The following CEP95 variants were observed in gnomAD, a reference collection of about 807,000 sequenced individuals.
The protein encoded by CEP95 is centrosomal protein of 95 kDa.
In CEP95, 98 loss-of-function variants were observed where a neutral mutation model predicts 111.2. The ratio of observed to expected loss-of-function variants is 0.88; its 90% confidence interval spans 0.75 to 1.04. The LOEUF (loss-of-function observed/expected upper bound fraction) is 1.04, where lower values mean the gene tolerates loss of function less well. Among genes scored for constraint, CEP95 ranks in the 50% least tolerant of loss-of-function variants. The pLI, the probability that CEP95 is intolerant of heterozygous loss-of-function variation, is 0.00. For missense variants in CEP95, 1,027 were observed against 977.2 expected (o/e 1.05, Z -0.68); for synonymous variants, 323 against 327.1 (o/e 0.99, Z 0.14).
rs1344363289 is a variant in CEP95, at chr17:64,525,452, C to T, written c.910-318C>T. ...GATACAAAAGATAGCCACTTGAATA[C>T]TTTGTACTAGTGATAATTTTTTTGT... On this transcript the variant is annotated intron_variant, in intron 8 of 19. Transcript: ENST00000556440. Among the ~76,000 whole-genome samples the T allele has an allele frequency of 2.6e-5, 4 of 152,182 alleles. No individual in the cohort carries two copies. The East Asian group carries it at 7.7e-4, about 29-fold the overall frequency.
At chr17:64,523,280 ATATT>A (rs1290837849) in intron 8 of CEP95, among the ~76,000 whole-genome samples, 3 of 152,146 alleles carry the variant, frequency 2.0e-5, no homozygotes, top group Non-Finnish European at 4.4e-5. Flanking sequence ...AGTAGCTACT[ATATT>A]TATTTATTGT....
rs1598243057 is a variant in CEP95, at chr17:64,531,874, T to C, written c.1540-16T>C. 1 of 1,525,442 alleles carries C rather than the reference T, an allele frequency of 6.6e-7. No individual in the cohort carries two copies. Among genetic ancestry groups the C allele is most frequent in the East Asian group, 2.4e-5 (1 of 42,136 alleles). 94.5% of individuals were successfully genotyped at this position (1,525,442 alleles called of 1,614,324 possible). On this transcript the variant is annotated splice_polypyrimidine_tract_variant and intron_variant, in intron 13 of 19. Coordinates refer to ENST00000556440, the MANE Select transcript of CEP95 (RefSeq NM_138363.3). Reference sequence around the variant, plus strand: ...TAGACCTTTTATTTTTATTCTGTTTTATATCTGCTTCTAAGGAAAAAATAT... The same window carrying C: ...TAGACCTTTTATTTTTATTCTGTTTCATATCTGCTTCTAAGGAAAAAATAT...
In CEP95 at chr17:64,531,024, TA is replaced by T; in HGVS notation, c.1539+10del. ...ATGAGAAGGAGGAGGAAACAGTGGG[TA>T]AAAGTCTCCACTGTAATAAATGCCA... On this transcript the variant is annotated splice_region_variant and intron_variant, in intron 13 of 19. Transcript: ENST00000556440. The T allele has an allele frequency of 6.8e-7, 1 of 1,477,086 alleles. No homozygotes were observed. Among genetic ancestry groups the T allele is most frequent in the Non-Finnish European group, 9.2e-7 (1 of 1,081,546 alleles). The allele number at this position is 1,477,086 out of a possible 1,614,324, so 91.5% of individuals were successfully genotyped here. A position where few individuals can be genotyped will look rare whatever the true frequency, so the allele number is the denominator to read the frequency against.
At chr17:64,532,133 G>T (rs1357257534) in intron 14 of CEP95, 111 bp downstream of exon 14, 10 of 1,151,368 alleles carry the variant, frequency 8.7e-6, no homozygotes, top group East Asian at 3.4e-5. Context: ...GCCGAAGAAA[G>T]TTTTTTTTTT....
Position 64,531,962 on chromosome 17 carries a change from A to G in CEP95, c.1612A>G (p.Arg538Gly). Residue 538 changes from arginine to glycine, a missense_variant, in exon 14 of 20, where the codon AGA becomes GGA. By Grantham distance (125) the Arg-to-Gly change is moderately radical. Coordinates refer to ENST00000556440, the MANE Select transcript of CEP95 (RefSeq NM_138363.3). The part of the protein sequence containing the change: ...ECSQPWKIYS[R>G]KTTTQSLRGG... ...TAGTCAGCCCTGGAAGATTTACTCT[A>G]GAAAAACCACAACGCAGAGTCTAAG... The G allele has an allele frequency of 4.3e-6, 7 of 1,611,504 alleles. No homozygotes were observed. Among genetic ancestry groups the G allele is most frequent in the Non-Finnish European group, 5.1e-6 (6 of 1,179,272 alleles).
chr17:64,528,074 A>C (rs1428819019), intron 11 of CEP95, among the ~76,000 whole-genome samples: 1 of 151,960 alleles, frequency 6.6e-6, no homozygotes, highest in African/African-American at 2.4e-5. Context: ...ACCACTGCCA[A>C]CTTGCCCACC....
At chr17:64,508,930 A>G (rs1236341049) in intron 2 of CEP95, among the ~76,000 whole-genome samples, 1 of 151,866 alleles carries the variant, frequency 6.6e-6, no homozygotes, top group African/African-American at 2.4e-5. Context: ...TTGTATAATT[A>G]TAATATTGTA....
At position 64,516,707 on chromosome 17, in the gene CEP95, T is replaced by TA. The variant is rs782201199; in HGVS notation, c.368-15dup. On this transcript the variant is annotated splice_polypyrimidine_tract_variant and intron_variant, in intron 4 of 19. Coordinates refer to ENST00000556440, the MANE Select transcript of CEP95 (RefSeq NM_138363.3). Reference sequence around the variant, plus strand: ...CTTAGGGGTTTTTTGGTATTGTTTTTATCTGTTCTGAACAGGTGAAACTGA... The same window carrying TA: ...CTTAGGGGTTTTTTGGTATTGTTTTTAATCTGTTCTGAACAGGTGAAACTGA... The TA allele has an allele frequency of 6.6e-6, 10 of 1,517,678 alleles. No individual in the cohort carries two copies. The highest frequency in any genetic ancestry group is 2.3e-5 in the East Asian group (1 of 44,120). 94.0% of individuals were successfully genotyped at this position (1,517,678 alleles called of 1,614,324 possible).
At chr17:64,508,191 CTCCATTAATGAGTTTCTGG>C in intron 1 of CEP95, 1 of 985,368 alleles carries the variant, frequency 1.0e-6, no homozygotes, top group Non-Finnish European at 1.2e-6. Context: ...GCGAAGCAGC[CTCCATTAATGAGTTTCTGG>C]TAACCTCGGA....
chr17:64,507,505 CA>C, intron 1 of CEP95: 1 of 1,166,866 alleles, frequency 8.6e-7, no homozygotes, highest in Non-Finnish European at 1.1e-6. Context: ...TTTAAAGGAA[CA>C]GCATTCTTAA....
At chr17:64,534,481 T>G in intron 16 of CEP95, 104 bp from the exon 17 acceptor site, 3 of 1,052,518 alleles carry the variant, frequency 2.9e-6, no homozygotes, top group Non-Finnish European at 4.2e-6. Context: ...ACACGTGACA[T>G]ACTGCCTGAA....
Position 64,537,415 on chromosome 17 carries a change from A to G in CEP95, c.2290-188A>G, listed in dbSNP as rs906581260. 15 of 1,377,666 alleles carry G rather than the reference A, an allele frequency of 1.1e-5. No homozygotes were observed. The African/African-American group carries it at 1.8e-4, about 16-fold the overall frequency. 85.3% of individuals were successfully genotyped at this position (1,377,666 alleles called of 1,614,324 possible). A position where few individuals can be genotyped will look rare whatever the true frequency, so the allele number is the denominator to read the frequency against. On this transcript the variant is annotated intron_variant, in intron 19 of 19. Transcript: ENST00000556440. ...GAATGGAGAGAAGACTAATAAGGCA[A>G]TCCATCTATGACCCAAGACATTTTT... is the stretch of plus-strand genomic sequence containing the variant.
At chr17:64,531,199 A>G (rs973097135) in intron 13 of CEP95, 181 bp downstream of exon 13, 6 of 410,376 alleles carry the variant, frequency 1.5e-5, no homozygotes, top group African/African-American at 2.1e-5. Flanking sequence ...GGTTGCTAAA[A>G]TATGACGAGA....
intron 14 of CEP95, chr17:64,532,325 G>A (rs1555680496): frequency 9.1e-7 from 1 of 1,103,806 alleles, no homozygotes; most frequent in African/African-American, 1.6e-5. Flanking sequence ...ATTTCTGGGA[G>A]GTTGGTAGAA....
At chr17:64,508,466 T>G in intron 1 of CEP95, 126 bp from the exon 2 acceptor site, 7 of 1,181,472 alleles carry the variant, frequency 5.9e-6, no homozygotes, top group Non-Finnish European at 7.4e-6. Flanking sequence ...AACAATCAAA[T>G]TCCTTATCTT....
At chr17:64,519,262 C>T (rs1967123984) in intron 5 of CEP95, 59 bp from the exon 6 acceptor site, 2 of 1,146,356 alleles carry the variant, frequency 1.7e-6, no homozygotes, top group African/African-American at 3.1e-5. Context: ...TCTCCAGGTC[C>T]TCAGGGGAAG....
In CEP95 at chr17:64,537,051, T is replaced by C. The variant is rs1321788935; in HGVS notation, c.2228T>C (p.Leu743Pro). The C allele has an allele frequency of 1.2e-6, 2 of 1,612,246 alleles. No individual in the cohort carries two copies. The highest frequency in any genetic ancestry group is 2.2e-5 in the East Asian group (1 of 44,802). Residue 743 changes from leucine to proline, a missense_variant, in exon 19 of 20, where the codon CTG becomes CCG. Coordinates refer to ENST00000556440, the MANE Select transcript of CEP95 (RefSeq NM_138363.3). ...TCTTCCTATAAACAGTTTTCATTGCTGGCAGAAGCCATATCACAGGAACAT... is the reference window on the plus strand; with the variant it reads ...TCTTCCTATAAACAGTTTTCATTGCCGGCAGAAGCCATATCACAGGAACAT... Reference protein sequence around the residue: ...ENYYKDQFSLLAEAISQEHQE... With the variant: ...ENYYKDQFSLPAEAISQEHQE...
chr17:64,533,249 A>G, intron 16 of CEP95, 58 bp downstream of exon 16: 1 of 1,408,916 alleles, frequency 7.1e-7, no homozygotes, highest in Non-Finnish European at 9.8e-7. Context: ...CATTCCCTTT[A>G]TCTGTGCTAG....
intron 11 of CEP95, 83 bp downstream of exon 11, chr17:64,527,347 CTAATTT>C (rs1316596843): frequency 5.0e-5 from 52 of 1,050,202 alleles, no homozygotes; most frequent in Non-Finnish European, 6.5e-5. Flanking sequence ...AACTTATATT[CTAATTT>C]TAAATAGTTG....
Sources: allele counts gnomAD v4.1 joint callset (sites outside exome capture counted in the v4.1 genomes callset), GRCh38; gene constraint gnomAD v4.1.1; transcripts MANE v1.5; gene names NCBI Gene and HGNC (gene_info 2026-07-23, HGNC 2026-07-21).